The following HTR2C variants were observed in gnomAD, a reference collection of about 807,000 sequenced individuals.
HTR2C encodes the protein 5-hydroxytryptamine (serotonin) receptor 2C, G protein-coupled.
Under a neutral mutation model 21.0 loss-of-function variants are expected in HTR2C, and 5 were observed. The observed-to-expected ratio is 0.24, with a 90% confidence interval of 0.12 to 0.50. The LOEUF (loss-of-function observed/expected upper bound fraction) is 0.50. HTR2C is among the 20% of genes least tolerant of loss of function. HTR2C has a pLI of 0.98. For missense variants in HTR2C, 271 were observed against 371.2 expected (o/e 0.73, Z 2.22); for synonymous variants, 150 against 145.3 (o/e 1.03, Z -0.23).
chrX:114,663,492 A>G (rs924175412), intron 2 of HTR2C, among the ~76,000 whole-genome samples: 1 of 112,171 alleles, frequency 8.9e-6, no homozygotes, highest in Non-Finnish European at 1.9e-5. Flanking sequence ...TATTCTTGCA[A>G]AGTAAAAAAT....
intron 4 of HTR2C, among the ~76,000 whole-genome samples, chrX:114,770,404 T>C (rs1556436803): frequency 8.9e-6 from 1 of 111,740 alleles, no homozygotes; most frequent in Non-Finnish European, 1.9e-5. Context: ...CTCTCTGTTC[T>C]TCAGATGGGA....
intron 2 of HTR2C, among the ~76,000 whole-genome samples, chrX:114,705,058 G>C (rs1388707042): frequency 9.5e-6 from 1 of 105,178 alleles, no homozygotes; most frequent in Non-Finnish European, 2.0e-5. Flanking sequence ...AAATAAAAGA[G>C]GATACAAACA....
At chrX:114,905,219 G>T (rs2071362859) in intron 5 of HTR2C, among the ~76,000 whole-genome samples, 1 of 110,924 alleles carries the variant, frequency 9.0e-6, no homozygotes, top group African/African-American at 3.3e-5. Context: ...TATCTGTTGT[G>T]GCTTCCTCAC....
intron 4 of HTR2C, among the ~76,000 whole-genome samples, chrX:114,790,789 A>G (rs782635228): frequency 2.9e-4 from 32 of 110,166 alleles, no homozygotes; most frequent in Non-Finnish European, 4.9e-4. Flanking sequence ...GAATTACATG[A>G]AGATTTAATC....
intron 2 of HTR2C, among the ~76,000 whole-genome samples, chrX:114,662,274 A>C (rs1463318806): frequency 8.9e-6 from 1 of 111,755 alleles, no homozygotes; most frequent in African/African-American, 3.2e-5. Flanking sequence ...TGATATTATT[A>C]TTATAAAATT....
At position 114,909,927 on chromosome X, in the gene HTR2C, T is replaced by C. The variant is rs2071402315; in HGVS notation, c.*2512T>C. ...CAACAGACTGCCTTATATTATTTTCTGTAATTCTTCTCCTTTGTCAAATGG... is the reference window on the plus strand; with the variant it reads ...CAACAGACTGCCTTATATTATTTTCCGTAATTCTTCTCCTTTGTCAAATGG... On this transcript the variant is annotated 3_prime_UTR_variant, in exon 6 of 6. Transcript: ENST00000276198. 1.8e-5 allele frequency: 2 copies of C among 112,623 alleles called. No homozygotes were observed. The highest frequency in any genetic ancestry group is 3.8e-5 in the Non-Finnish European group (2 of 53,300). The allele number at this position is 112,623 out of a possible 1,213,427, so 9.3% of individuals were successfully genotyped here.
intron 2 of HTR2C, among the ~76,000 whole-genome samples, chrX:114,704,197 A>T (rs868954712): frequency 2.6e-4 from 29 of 111,735 alleles, no homozygotes; most frequent in East Asian, 8.5e-4. Context: ...GAATCCTCCC[A>T]AACTCATTTG....
intron 1 of HTR2C, among the ~76,000 whole-genome samples, chrX:114,608,250 C>A (rs1178969225): frequency 1.1e-4 from 12 of 111,515 alleles, no homozygotes; most frequent in African/African-American, 3.6e-4. Flanking sequence ...TCACTTTTAA[C>A]AGTTTTATTG....
At chrX:114,604,612 T>TG (rs1329959439) in intron 1 of HTR2C, among the ~76,000 whole-genome samples, 1 of 110,890 alleles carries the variant, frequency 9.0e-6, no homozygotes, top group Non-Finnish European at 1.9e-5. Context: ...CAGAGAGCCT[T>TG]GGGCCAGAGT....
rs1927290723 is a variant in HTR2C, at chrX:114,584,279, T to A, written c.-527T>A. 8.8e-6 allele frequency: 1 copy of A among 113,074 alleles called. No individual in the cohort carries two copies. The highest frequency in any genetic ancestry group is 1.9e-5 in the Non-Finnish European group (1 of 53,379). 9.3% of individuals were successfully genotyped at this position (113,074 alleles called of 1,213,427 possible). On this transcript the variant is annotated 5_prime_UTR_variant, in exon 1 of 6. Coordinates refer to ENST00000276198, the MANE Select transcript of HTR2C (RefSeq NM_000868.4). ...GTCGTCGGAGTCGTCGCGATCGTCG[T>A]GGCGCTCGTGTGATGGCCTTCGTCC...
intron 2 of HTR2C, among the ~76,000 whole-genome samples, chrX:114,720,771 G>T (rs1237834331): frequency 6.7e-5 from 2 of 29,824 alleles, no homozygotes; most frequent in African/African-American, 1.9e-4. Context: ...GCGGTGTTTG[G>T]TTTTTTGTTC....
At chrX:114,653,538 T>C (rs1401576362) in intron 2 of HTR2C, among the ~76,000 whole-genome samples, 1 of 110,645 alleles carries the variant, frequency 9.0e-6, no homozygotes, top group African/African-American at 3.3e-5. Context: ...ACTTTGACTC[T>C]AAGCTAGTTT....
intron 1 of HTR2C, among the ~76,000 whole-genome samples, chrX:114,591,172 C>T (rs1161559974): frequency 9.0e-6 from 1 of 110,541 alleles, no homozygotes; most frequent in Non-Finnish European, 1.9e-5. Flanking sequence ...GTCAATGACT[C>T]CCAGAGGTCT....
At chrX:114,750,435 A>G (rs1331500683) in intron 4 of HTR2C, among the ~76,000 whole-genome samples, 3 of 112,373 alleles carry the variant, frequency 2.7e-5, no homozygotes, top group Non-Finnish European at 3.7e-5. Context: ...ACATAAAGAT[A>G]TATTATTCAG....
intron 2 of HTR2C, among the ~76,000 whole-genome samples, chrX:114,656,049 T>A (rs1337042588): frequency 2.7e-5 from 3 of 111,071 alleles, no homozygotes; most frequent in Non-Finnish European, 5.7e-5. Flanking sequence ...GCCAATAGTT[T>A]GTTCTTTTCT....
chrX:114,796,292 C>T (rs1389197035), intron 4 of HTR2C, among the ~76,000 whole-genome samples: 1 of 111,559 alleles, frequency 9.0e-6, no homozygotes, highest in Non-Finnish European at 1.9e-5. Flanking sequence ...AAGTCTGATT[C>T]AAACAACTCA....
At chrX:114,587,903 A>AT (rs1556390078) in intron 1 of HTR2C, among the ~76,000 whole-genome samples, 1 of 112,565 alleles carries the variant, frequency 8.9e-6, no homozygotes, top group East Asian at 2.8e-4. Flanking sequence ...TTTAATACTA[A>AT]TGCTCACCTG....
intron 1 of HTR2C, among the ~76,000 whole-genome samples, chrX:114,609,927 T>A: frequency 8.9e-6 from 1 of 111,911 alleles, no homozygotes; most frequent in East Asian, 2.8e-4. Flanking sequence ...AGGATGGAAT[T>A]GTTTTATGTT....
intron 4 of HTR2C, among the ~76,000 whole-genome samples, chrX:114,768,482 A>G (rs1556435980): frequency 9.0e-6 from 1 of 111,154 alleles, no homozygotes; most frequent in East Asian, 2.8e-4. Context: ...ACCAAAACAA[A>G]TGTTCTAGAA....
Sources: gnomAD v4.1 joint callset for allele counts (sites outside exome capture counted in the v4.1 genomes callset) on GRCh38, gnomAD v4.1.1 for gene constraint, MANE v1.5 for transcripts, NCBI Gene and HGNC (gene_info 2026-07-23, HGNC 2026-07-21) for gene names.